The following LRRIQ1 variants were observed in gnomAD, a reference collection of about 807,000 sequenced individuals.
LRRIQ1 encodes the protein leucine rich repeats and IQ motif containing 1, also known as leucine-rich repeat- and IQ domain-containing protein 1.
In LRRIQ1, 210 loss-of-function variants were observed where a neutral mutation model predicts 211.9. The observed-to-expected ratio is 0.99, with a 90% CI of 0.89 to 1.11. The LOEUF (loss-of-function observed/expected upper bound fraction) is 1.11, where lower values mean the gene tolerates loss of function less well. Among genes scored for constraint, LRRIQ1 ranks in the 50% most tolerant of loss-of-function variants. The pLI is 0.00. For missense variants in LRRIQ1, 2,136 were observed against 1,939.5 expected, an observed-to-expected ratio of 1.10 and a Z score of -1.90; for synonymous variants, 699 against 650.1, an observed-to-expected ratio of 1.08 and a Z score of -1.14.
intron 11 of LRRIQ1, among the ~76,000 whole-genome samples, chr12:85,087,442 C>T (rs1414706671): frequency 6.6e-6 from 1 of 152,130 alleles, no homozygotes; most frequent in Non-Finnish European, 1.5e-5. Flanking sequence ...GATTTATAAT[C>T]CTTTGGGTAT....
intron 24 of LRRIQ1, among the ~76,000 whole-genome samples, chr12:85,193,020 A>T (rs867883319): frequency 2.9e-4 from 9 of 30,682 alleles, no homozygotes; most frequent in African/African-American, 4.0e-4. Context: ...TAATTATATA[A>T]TATATTTATT....
intron 24 of LRRIQ1, among the ~76,000 whole-genome samples, chr12:85,174,837 G>A (rs1363820305): frequency 6.6e-6 from 1 of 151,612 alleles, no homozygotes; most frequent in Non-Finnish European, 1.5e-5. Flanking sequence ...CATTTTCCAG[G>A]CCCACTAAAT....
Position 85,198,573 on chromosome 12 carries a change from A to ATTT in LRRIQ1, c.4823-30934_4823-30932dup, listed in dbSNP as rs33992762. Among the ~76,000 whole-genome samples the ATTT allele has an allele frequency of 2.9e-3, 433 of 147,104 alleles. 1 individual carries two copies. The highest frequency in any genetic ancestry group is 4.3e-3 in the Non-Finnish European group (288 of 66,790). On this transcript the variant is annotated intron_variant, in intron 24 of 26. Transcript: ENST00000393217. ...TCTCTAATGGTTAGTCATGTTAAGC[A>ATTT]TTTTTTTTTTTTGAGACAGAGTCTC...
At chr12:85,231,475 T>A (rs1894937854) in intron 25 of LRRIQ1, among the ~76,000 whole-genome samples, 1 of 152,160 alleles carries the variant, frequency 6.6e-6, no homozygotes, top group African/African-American at 2.4e-5. Flanking sequence ...AGGGTAGTAT[T>A]TTATTCTGTT....
chr12:85,186,278 C>T (rs1228166476), intron 24 of LRRIQ1, among the ~76,000 whole-genome samples: 2 of 152,096 alleles, frequency 1.3e-5, no homozygotes, highest in Non-Finnish European at 2.9e-5. Flanking sequence ...TACAGATGAC[C>T]TGGACTTGTT....
chr12:85,225,165 G>C (rs997539067), intron 24 of LRRIQ1, among the ~76,000 whole-genome samples: 1 of 151,894 alleles, frequency 6.6e-6, no homozygotes, highest in East Asian at 1.9e-4. Flanking sequence ...AAAAAAATTA[G>C]TATAACAGTT....
rs566804199 is a variant in LRRIQ1 at position 85,173,308 on chromosome 12, T to C, written c.4822+12594T>C. ...TTAAAACTAAGAGTAATTGTAGGAATGTATATTAAATGCTAAGGCCCTAGG... is the reference window on the plus strand; with the variant it reads ...TTAAAACTAAGAGTAATTGTAGGAACGTATATTAAATGCTAAGGCCCTAGG... On this transcript the variant is annotated intron_variant, in intron 24 of 26. Coordinates refer to ENST00000393217, the MANE Select transcript of LRRIQ1 (RefSeq NM_001079910.2). 3.3e-5 allele frequency among the ~76,000 whole-genome samples: 5 copies of C among 152,344 alleles called. No homozygotes were observed. In the East Asian group the frequency reaches 9.6e-4, roughly 29 times the overall value.
At chr12:85,250,918 T>TTATAGATTATATATTATATATAA (rs1895912455) in intron 1 of LRRIQ1, among the ~76,000 whole-genome samples, 5 of 78,236 alleles carry the variant, frequency 6.4e-5, no homozygotes, top group African/African-American at 3.0e-4. Context: ...ATAATATATT[T>TTATAGATTATATATTATATATAA]TATATATTAT....
chr12:85,136,680 G>GCTCT (rs35287521), intron 18 of LRRIQ1, among the ~76,000 whole-genome samples: 1 of 150,898 alleles, frequency 6.6e-6, no homozygotes, highest in East Asian at 2.0e-4. Flanking sequence ...ATTTCACTTT[G>GCTCT]CTCTCTCTCT....
At chr12:85,198,893 G>A (rs114334507) in intron 24 of LRRIQ1, among the ~76,000 whole-genome samples, 360 of 152,090 alleles carry the variant, frequency 2.4e-3, no homozygotes, top group African/African-American at 8.5e-3. Context: ...TTATATGTTT[G>A]TTGGCCGAAT....
intron 24 of LRRIQ1, among the ~76,000 whole-genome samples, chr12:85,198,081 ATT>A: frequency 1.4e-4 from 15 of 108,280 alleles, no homozygotes; most frequent in African/African-American, 5.7e-4. Context: ...TTTATATATA[ATT>A]TATTATATTA....
In LRRIQ1 at chr12:85,066,917, T is replaced by C. The variant is rs765788774; in HGVS notation, c.2695+19T>C. The C allele has an allele frequency of 7.6e-7, 1 of 1,309,748 alleles. No individual in the cohort carries two copies. The highest frequency in any genetic ancestry group is 1.6e-5 in the South Asian group (1 of 64,014). The allele number at this position is 1,309,748 out of a possible 1,614,324, so 81.1% of individuals were successfully genotyped here. A position where few individuals can be genotyped will look rare whatever the true frequency, so the allele number is the denominator to read the frequency against. On this transcript the variant is annotated intron_variant, in intron 10 of 26. Transcript: ENST00000393217. Reference sequence around the variant, plus strand: ...CGAATTGGTAAGAACAATGAAATTTTAATATTTAAAGATATATTTCTCATA... The same window carrying C: ...CGAATTGGTAAGAACAATGAAATTTCAATATTTAAAGATATATTTCTCATA...
At chr12:85,185,182 A>G (rs1274232181) in intron 24 of LRRIQ1, among the ~76,000 whole-genome samples, 1 of 151,972 alleles carries the variant, frequency 6.6e-6, no homozygotes. Context: ...TAATATATCA[A>G]TTATACACTC....
chr12:85,086,273 T>C (rs1884808514), intron 11 of LRRIQ1, among the ~76,000 whole-genome samples: 1 of 152,166 alleles, frequency 6.6e-6, no homozygotes, highest in African/African-American at 2.4e-5. Context: ...AAATCTCATA[T>C]TAAATTGTAA....
rs1409167372 is a variant in LRRIQ1, at chr12:85,124,308, A to G, written c.3796A>G (p.Lys1266Glu). 7 of 1,614,096 alleles carry G rather than the reference A, an allele frequency of 4.3e-6. No individual in the cohort carries two copies. The highest frequency in any genetic ancestry group is 5.9e-6 in the Non-Finnish European group (7 of 1,180,022). The change falls in exon 17 of 27, where the codon AAA (lysine) becomes GAA (glutamate). Residue 1266 changes from lysine (K) to glutamate (E), a missense_variant. Physicochemically the swap from Lys to Glu is moderately conservative, Grantham distance 56. Coordinates refer to ENST00000393217, the MANE Select transcript of LRRIQ1 (RefSeq NM_001079910.2). Reference protein sequence around the residue: ...GEPDSPDIPEKWMDSVSSHSP... With the variant: ...GEPDSPDIPEEWMDSVSSHSP... Reference sequence around the variant, plus strand: ...GCCAGACTCACCAGATATTCCTGAGAAATGGATGGACTCTGTCTCCAGCCA... The same window carrying G: ...GCCAGACTCACCAGATATTCCTGAGGAATGGATGGACTCTGTCTCCAGCCA...
intron 24 of LRRIQ1, among the ~76,000 whole-genome samples, chr12:85,228,762 G>A (rs1024089538): frequency 6.6e-5 from 10 of 152,082 alleles, no homozygotes; most frequent in African/African-American, 2.4e-4. Context: ...CAAACAACTT[G>A]CAAATATGTA....
At position 85,056,551 on chromosome 12, in the gene LRRIQ1, A is replaced by C; in HGVS notation, c.1758A>C (p.Val586=). The C allele has an allele frequency of 1.2e-6, 2 of 1,607,044 alleles. No individual in the cohort carries two copies. The highest frequency in any genetic ancestry group is 1.7e-6 in the Non-Finnish European group (2 of 1,176,702). ...KDNQQKKIQK[V]EKEEIQEQNG... ...ATCAGCAGAAAAAGATACAAAAAGT[A>C]GAAAAAGAAGAGATACAAGAACAGA... Residue 586 remains valine, a synonymous_variant, in exon 8 of 27, where the codon GTA becomes GTC. Transcript: ENST00000393217.
downstream of LRRIQ1, among the ~76,000 whole-genome samples, chr12:85,245,353 C>T (rs1359653987): frequency 6.6e-6 from 1 of 151,126 alleles, no homozygotes; most frequent in Admixed American, 6.6e-5. Context: ...TAATATTATA[C>T]TATCAGAAAG....
At chr12:85,038,346 G>T in intron 2 of LRRIQ1, 38 bp downstream of exon 2, 1 of 1,388,400 alleles carries the variant, frequency 7.2e-7, no homozygotes, top group Non-Finnish European at 9.4e-7. Context: ...ACAGGAGTAG[G>T]CTTTTCAGGA....
Sources: allele counts gnomAD v4.1 joint callset (sites outside exome capture counted in the v4.1 genomes callset), GRCh38; gene constraint gnomAD v4.1.1; transcripts MANE v1.5; gene names NCBI Gene and HGNC (gene_info 2026-07-23, HGNC 2026-07-21).